The following ISY1 variants were observed in gnomAD, a reference collection of about 807,000 sequenced individuals.
The protein encoded by ISY1 is pre-mRNA-splicing factor ISY1 homolog.
Under a neutral mutation model 54.4 loss-of-function variants are expected in ISY1, and 12 were observed. The ratio of observed to expected loss-of-function variants is 0.22; its 90% CI spans 0.14 to 0.36. The LOEUF is 0.36. Among genes scored for constraint, ISY1 ranks in the 10% least tolerant of loss-of-function variants. The pLI is 1.00. For synonymous variants in ISY1, 96 were observed against 117.9 expected, an observed-to-expected ratio of 0.81 and a Z score of 1.20; for missense variants, 282 against 342.2, an observed-to-expected ratio of 0.82 and a Z score of 1.39.
intron 8 of ISY1, 56 bp downstream of exon 8, chr3:129,134,776 G>C: frequency 6.5e-7 from 1 of 1,544,280 alleles, no homozygotes; most frequent in Non-Finnish European, 8.8e-7. Context: ...TGTTTTCAAA[G>C]GACACAACAG....
At chr3:129,143,041 C>T (rs1317345381) in intron 6 of ISY1, among the ~76,000 whole-genome samples, 4 of 151,540 alleles carry the variant, frequency 2.6e-5, no homozygotes, top group Non-Finnish European at 4.4e-5. Flanking sequence ...GGTGACAGAG[C>T]GAGACTCCGT....
At chr3:129,138,389 A>G (rs1279826655) in intron 7 of ISY1, among the ~76,000 whole-genome samples, 1 of 151,810 alleles carries the variant, frequency 6.6e-6, no homozygotes, top group African/African-American at 2.4e-5. Context: ...TAATCCCAGC[A>G]CTTTGGGAAG....
intron 5 of ISY1, among the ~76,000 whole-genome samples, chr3:129,155,502 A>T (rs1031714147): frequency 4.0e-4 from 60 of 151,858 alleles, no homozygotes; most frequent in Non-Finnish European, 1.3e-4. Context: ...CCAGTGCTAT[A>T]CATTTTTATC....
chr3:129,148,622 T>C (rs1035150741), intron 5 of ISY1, among the ~76,000 whole-genome samples: 1 of 152,224 alleles, frequency 6.6e-6, no homozygotes. Flanking sequence ...TGGAGTGCAG[T>C]GGTACAATCT....
intron 6 of ISY1, among the ~76,000 whole-genome samples, chr3:129,143,468 T>C (rs1280632637): frequency 4.1e-5 from 6 of 147,628 alleles, no homozygotes; most frequent in Non-Finnish European, 8.9e-5. Context: ...ATCGCACCAC[T>C]GCACTCCAGC....
Position 129,127,487 on chromosome 3 carries a change from A to C in ISY1, c.*2594T>G, listed in dbSNP as rs1361298159. 1 of 152,242 alleles carries C rather than the reference A, an allele frequency of 6.6e-6. No homozygotes were observed. Among genetic ancestry groups the C allele is most frequent in the Non-Finnish European group, 1.5e-5 (1 of 68,050 alleles). 9.4% of individuals were successfully genotyped at this position (152,242 alleles called of 1,614,324 possible). Reference sequence around the variant, plus strand: ...AGATTGGTTCTGTCACCTCGGAGCCACAAGCTGGGAAAAGATAACCACACC... The same window carrying C: ...AGATTGGTTCTGTCACCTCGGAGCCCCAAGCTGGGAAAAGATAACCACACC... On this transcript the variant is annotated 3_prime_UTR_variant, in exon 11 of 11. Coordinates refer to ENST00000393295, the MANE Select transcript of ISY1 (RefSeq NM_020701.4).
chr3:129,147,454 C>A (rs556457338), intron 5 of ISY1, among the ~76,000 whole-genome samples: 1 of 152,070 alleles, frequency 6.6e-6, no homozygotes, highest in South Asian at 2.1e-4. Flanking sequence ...AGAAAAAAGA[C>A]CTGCCACCAC....
chr3:129,153,158 C>T (rs1369870349), intron 5 of ISY1, among the ~76,000 whole-genome samples: 1 of 152,016 alleles, frequency 6.6e-6, no homozygotes, highest in East Asian at 1.9e-4. Flanking sequence ...TACACGCATG[C>T]GTCACCATGC....
chr3:129,141,055 T>C (rs1936590994), intron 6 of ISY1, among the ~76,000 whole-genome samples: 1 of 141,144 alleles, frequency 7.1e-6, no homozygotes, highest in Non-Finnish European at 1.5e-5. Flanking sequence ...TATACAAAAA[T>C]TAGCTGGGTG....
chr3:129,142,313 T>G (rs1411353674), intron 6 of ISY1, among the ~76,000 whole-genome samples: 2 of 152,046 alleles, frequency 1.3e-5, no homozygotes, highest in South Asian at 4.1e-4. Context: ...TTGGGAAAAC[T>G]GATGAAATGC....
Position 129,148,433 on chromosome 3 carries a change from T to C in ISY1, c.188-2560A>G, listed in dbSNP as rs141902601. On this transcript the variant is annotated intron_variant, in intron 5 of 10. Coordinates refer to ENST00000393295, the MANE Select transcript of ISY1 (RefSeq NM_020701.4). ...GCATGAGAGTTCATTACTTCACATA[T>C]TCACCAGCACTTGGCATGGTCACTA... Among the ~76,000 whole-genome samples the C allele has an allele frequency of 1.2e-4, 19 of 152,344 alleles. No individual in the cohort carries two copies. The East Asian group carries it at 2.7e-3, about 22-fold the overall frequency.
rs891508134 is a variant in ISY1 at position 129,158,635 on chromosome 3, T to C, written c.27-76A>G. 2.5e-6 allele frequency: 4 copies of C among 1,595,422 alleles called. No homozygotes were observed. In the African/African-American group the frequency reaches 5.4e-5, roughly 21 times the overall value. Reference sequence around the variant, plus strand: ...ACTTCTCATTACCCATGTTCCTGTATGGGGTAGATCTGCTTATGACCATAT... The same window carrying C: ...ACTTCTCATTACCCATGTTCCTGTACGGGGTAGATCTGCTTATGACCATAT... On this transcript the variant is annotated intron_variant, in intron 2 of 10. Coordinates refer to ENST00000393295, the MANE Select transcript of ISY1 (RefSeq NM_020701.4).
intron 5 of ISY1, among the ~76,000 whole-genome samples, chr3:129,155,464 G>T (rs1937108066): frequency 6.6e-6 from 1 of 151,994 alleles, no homozygotes; most frequent in African/African-American, 2.4e-5. Flanking sequence ...AAAGTGCTGG[G>T]ATTACAGGTG....
intron 5 of ISY1, among the ~76,000 whole-genome samples, chr3:129,153,926 G>T (rs1009427595): frequency 6.6e-5 from 10 of 151,976 alleles, no homozygotes; most frequent in African/African-American, 2.4e-4. Context: ...TCAACATGGT[G>T]AAACCCTGTC....
chr3:129,138,363 C>T (rs903658706), intron 7 of ISY1, among the ~76,000 whole-genome samples: 4 of 151,632 alleles, frequency 2.6e-5, no homozygotes, highest in Middle Eastern at 3.2e-3. Context: ...GTACTGGTCA[C>T]GGTGGCTCAC....
chr3:129,141,480 C>A (rs930996709), intron 6 of ISY1, among the ~76,000 whole-genome samples: 1 of 145,216 alleles, frequency 6.9e-6, no homozygotes, highest in African/African-American at 2.6e-5. Context: ...CTAGGCCGGG[C>A]GCAGTGGCTC....
rs1936317956 is a variant in ISY1, at chr3:129,134,059, G to A, written c.663+15C>T. 6.2e-7 allele frequency: 1 copy of A among 1,613,744 alleles called. No individual in the cohort carries two copies. The highest frequency in any genetic ancestry group is 1.7e-4 in the Middle Eastern group (1 of 5,860). On this transcript the variant is annotated intron_variant, in intron 9 of 10. Coordinates refer to ENST00000393295, the MANE Select transcript of ISY1 (RefSeq NM_020701.4). ...ACAGATGGCAGTGAGTGCCAGAGGGGGCCAACCCCAATACCTCCTCCTCGG... is the reference window on the plus strand; with the variant it reads ...ACAGATGGCAGTGAGTGCCAGAGGGAGCCAACCCCAATACCTCCTCCTCGG...
At position 129,141,799 on chromosome 3, in the gene ISY1, A is replaced by G. The variant is rs1936625136; in HGVS notation, c.301-1314T>C. On this transcript the variant is annotated intron_variant, in intron 6 of 10. Transcript: ENST00000393295. Reference sequence around the variant, plus strand: ...TTAAAAAATAAATAAATAAATAAAGATAAAAAACACGATGCTAAGTGACAA... The same window carrying G: ...TTAAAAAATAAATAAATAAATAAAGGTAAAAAACACGATGCTAAGTGACAA... Among the ~76,000 whole-genome samples, 3 of 151,932 alleles carry G rather than the reference A, an allele frequency of 2.0e-5. No individual in the cohort carries two copies. The South Asian group carries it at 6.2e-4, about 32-fold the overall frequency.
At chr3:129,143,825 G>A (rs1401179899) in intron 6 of ISY1, among the ~76,000 whole-genome samples, 3 of 151,900 alleles carry the variant, frequency 2.0e-5, no homozygotes, top group East Asian at 1.9e-4. Flanking sequence ...CAAAAACAAC[G>A]GAAGGAGAAA....
Sources: gnomAD v4.1 joint callset for allele counts (sites outside exome capture counted in the v4.1 genomes callset) on GRCh38, gnomAD v4.1.1 for gene constraint, MANE v1.5 for transcripts, NCBI Gene and HGNC (gene_info 2026-07-23, HGNC 2026-07-21) for gene names.